CCDC148: variants seen among roughly 807,000 people sequenced by gnomAD.
The protein encoded by CCDC148 is coiled-coil domain-containing protein 148.
In CCDC148, 89 loss-of-function variants were observed where a neutral mutation model predicts 85.7. The ratio of observed to expected loss-of-function variants is 1.04; its 90% CI spans 0.87 to 1.24. The LOEUF is 1.24. CCDC148 is among the 50% of genes most tolerant of loss of function. The pLI, the probability that CCDC148 is intolerant of heterozygous loss-of-function variation, is 0.00. For missense variants in CCDC148, 692 were observed against 671.7 expected, an observed-to-expected ratio of 1.03 and a Z score of -0.33; for synonymous variants, 230 against 213.9, an observed-to-expected ratio of 1.08 and a Z score of -0.66.
intron 9 of CCDC148, among the ~76,000 whole-genome samples, chr2:158,295,987 C>G (rs1299253897): frequency 6.6e-6 from 1 of 152,210 alleles, no homozygotes; most frequent in Non-Finnish European, 1.5e-5. Context: ...CTGCACACAA[C>G]TCTTCATTAG....
At chr2:158,195,360 A>G (rs781231437) in intron 11 of CCDC148, among the ~76,000 whole-genome samples, 1 of 147,348 alleles carries the variant, frequency 6.8e-6, no homozygotes, top group Non-Finnish European at 1.5e-5. Context: ...CTTTAAGTTT[A>G]TGGTCCAAAT....
In CCDC148 at chr2:158,356,522, T is replaced by C. The variant is rs1315192980; in HGVS notation, c.147+1927A>G. Among the ~76,000 whole-genome samples the C allele has an allele frequency of 5.3e-5, 8 of 152,030 alleles. 1 individual carries two copies. The highest frequency in any genetic ancestry group is 1.0e-4 in the Non-Finnish European group (7 of 68,010). On this transcript the variant is annotated intron_variant, in intron 2 of 13. Coordinates refer to ENST00000283233, the MANE Select transcript of CCDC148 (RefSeq NM_138803.4). ...CCATCAGAGAAATGCAAATCAAAAC[T>C]ACAATGAGATACCATCTCACAACAG...
chr2:158,173,537 C>T (rs540217798), intron 13 of CCDC148, among the ~76,000 whole-genome samples: 63 of 152,094 alleles, frequency 4.1e-4, no homozygotes, highest in African/African-American at 1.4e-3. Flanking sequence ...GAATTTACTA[C>T]AATTGTCTAG....
chr2:158,282,249 T>C (rs992869043), intron 9 of CCDC148, among the ~76,000 whole-genome samples: 3 of 152,110 alleles, frequency 2.0e-5, no homozygotes, highest in South Asian at 2.1e-4. Flanking sequence ...ACCACTCCTA[T>C]TGAACATAGT....
chr2:158,290,941 T>C (rs1392556322), intron 9 of CCDC148, among the ~76,000 whole-genome samples: 28 of 152,000 alleles, frequency 1.8e-4, no homozygotes, highest in Admixed American at 1.8e-3. Flanking sequence ...CCATTCAACT[T>C]TCTCAATATC....
chr2:158,316,948 T>A (rs893890285), intron 7 of CCDC148, among the ~76,000 whole-genome samples: 7 of 152,210 alleles, frequency 4.6e-5, no homozygotes, highest in Admixed American at 2.0e-4. Context: ...GGACACTTTT[T>A]AAATCAAACC....
chr2:158,179,631 A>G (rs1684789492), intron 11 of CCDC148, among the ~76,000 whole-genome samples: 1 of 152,122 alleles, frequency 6.6e-6, no homozygotes, highest in African/African-American at 2.4e-5. Flanking sequence ...CCCAATGAGA[A>G]GCTTTAGCAC....
intron 1 of CCDC148, among the ~76,000 whole-genome samples, chr2:158,411,708 A>T (rs2105315128): frequency 6.6e-6 from 1 of 152,232 alleles, no homozygotes; most frequent in South Asian, 2.1e-4. Flanking sequence ...TCAATTACTA[A>T]AAATTTATTG....
chr2:158,454,500 C>T (rs542126605), intron 1 of CCDC148, among the ~76,000 whole-genome samples: 1 of 152,336 alleles, frequency 6.6e-6, no homozygotes, highest in South Asian at 2.1e-4. Flanking sequence ...AAAACTAGGA[C>T]TGAGGTTTAA....
chr2:158,405,151 C>T (rs1390744152), intron 1 of CCDC148, among the ~76,000 whole-genome samples: 1 of 151,984 alleles, frequency 6.6e-6, no homozygotes, highest in African/African-American at 2.4e-5. Context: ...AAAATGGTTC[C>T]TTATAGGGCC....
chr2:158,332,892 G>T (rs56278556), intron 7 of CCDC148, among the ~76,000 whole-genome samples: 128,183 of 151,406 alleles, frequency 0.85, 54,447 homozygotes, highest in East Asian at 0.97. Flanking sequence ...CCTATAACAT[G>T]TTTTTTTGTG....
chr2:158,255,125 G>A (rs1217474976), intron 9 of CCDC148, among the ~76,000 whole-genome samples: 1 of 151,050 alleles, frequency 6.6e-6, no homozygotes, highest in East Asian at 1.9e-4. Context: ...GAAAAGAAAA[G>A]AAAAGAAATG....
At chr2:158,450,594 G>A (rs1363111900) in intron 1 of CCDC148, among the ~76,000 whole-genome samples, 1 of 152,140 alleles carries the variant, frequency 6.6e-6, no homozygotes, top group Admixed American at 6.5e-5. Flanking sequence ...TTCTTGACAG[G>A]TTTTTTCTTT....
chr2:158,315,732 G>T (rs1408598335), intron 7 of CCDC148, among the ~76,000 whole-genome samples: 1 of 151,710 alleles, frequency 6.6e-6, no homozygotes, highest in Non-Finnish European at 1.5e-5. Flanking sequence ...TCCTTCTCTG[G>T]AGAATTGCTA....
intron 1 of CCDC148, among the ~76,000 whole-genome samples, chr2:158,450,612 T>C (rs1688367822): frequency 6.6e-6 from 1 of 152,242 alleles, no homozygotes; most frequent in South Asian, 2.1e-4. Flanking sequence ...TTTCAGCATT[T>C]TGAATACGTC....
At chr2:158,266,885 TATTTATTTACATATATATATAC>T (rs1320108186) in intron 9 of CCDC148, among the ~76,000 whole-genome samples, 1 of 140,256 alleles carries the variant, frequency 7.1e-6, no homozygotes, top group Non-Finnish European at 1.6e-5. Context: ...CATATATATA[TATTTATTTACATATATATATAC>T]ACACACATAT....
At chr2:158,279,487 C>T (rs1690150804) in intron 9 of CCDC148, among the ~76,000 whole-genome samples, 1 of 152,090 alleles carries the variant, frequency 6.6e-6, no homozygotes, top group Non-Finnish European at 1.5e-5. Context: ...ATGCAGAAGC[C>T]TCAGGAGCCG....
At chr2:158,311,889 A>T (rs919524749) in intron 8 of CCDC148, among the ~76,000 whole-genome samples, 1 of 152,216 alleles carries the variant, frequency 6.6e-6, no homozygotes, top group African/African-American at 2.4e-5. Flanking sequence ...AGTGAATCTC[A>T]TCCATGGGAA....
intron 9 of CCDC148, among the ~76,000 whole-genome samples, chr2:158,266,883 T>C (rs112302304): frequency 0.012 from 1,768 of 146,834 alleles, 20 homozygotes; most frequent in Middle Eastern, 0.07. Flanking sequence ...TACATATATA[T>C]ATATTTATTT....
Sources: gnomAD v4.1 joint callset for allele counts (sites outside exome capture counted in the v4.1 genomes callset) on GRCh38, gnomAD v4.1.1 for gene constraint, MANE v1.5 for transcripts, NCBI Gene and HGNC (gene_info 2026-07-23, HGNC 2026-07-21) for gene names.